Variants in SLC10A7 observed in about 807,000 individuals in gnomAD.
The protein encoded by SLC10A7 is solute carrier family 10 member 7.
A neutral mutation model predicts 43.2 loss-of-function variants in SLC10A7; 29 were observed. That is an observed-to-expected ratio of 0.67 (90% CI 0.50 to 0.92). The LOEUF (loss-of-function observed/expected upper bound fraction) is 0.92. SLC10A7 is among the 40% of genes least tolerant of loss of function. The probability of loss-of-function intolerance (pLI) is 0.00; values close to 1 mark genes in which losing one functional copy is unlikely to be tolerated. For missense variants in SLC10A7, 295 were observed against 403.2 expected, an observed-to-expected ratio of 0.73 and a Z score of 2.30; for synonymous variants, 152 against 144.8, an observed-to-expected ratio of 1.05 and a Z score of -0.35.
intron 4 of SLC10A7, among the ~76,000 whole-genome samples, chr4:146,450,363 T>TTA (rs1044320117): frequency 2.2e-4 from 34 of 152,276 alleles, no homozygotes; most frequent in African/African-American, 7.7e-4. Flanking sequence ...AGATGTGCAT[T>TTA]TATATATATA....
chr4:146,483,450 CAA>C (rs34046091), intron 4 of SLC10A7, among the ~76,000 whole-genome samples: 7 of 150,954 alleles, frequency 4.6e-5, no homozygotes, highest in Non-Finnish European at 3.0e-5. Flanking sequence ...CACACACACA[CAA>C]AAAAAAAACC....
intron 5 of SLC10A7, among the ~76,000 whole-genome samples, chr4:146,334,410 T>C (rs1733740219): frequency 1.3e-5 from 2 of 152,066 alleles, no homozygotes; most frequent in African/African-American, 4.8e-5. Context: ...TTGGAGTACA[T>C]GGAGGGCTGA....
At chr4:146,411,066 C>T (rs756998593) in intron 5 of SLC10A7, among the ~76,000 whole-genome samples, 44 of 152,122 alleles carry the variant, frequency 2.9e-4, no homozygotes, top group Non-Finnish European at 5.1e-4. Flanking sequence ...GAACTCCTGA[C>T]TCAGATGATT....
At chr4:146,307,115 C>T (rs1327573060) in intron 6 of SLC10A7, among the ~76,000 whole-genome samples, 2 of 152,128 alleles carry the variant, frequency 1.3e-5, no homozygotes, top group Non-Finnish European at 2.9e-5. Flanking sequence ...CTGATTTCTG[C>T]ATGAATGGTT....
At chr4:146,300,442 CA>C (rs1375847360) in intron 7 of SLC10A7, among the ~76,000 whole-genome samples, 4 of 152,176 alleles carry the variant, frequency 2.6e-5, no homozygotes, top group Non-Finnish European at 4.4e-5. Flanking sequence ...GTGTACCACA[CA>C]CTCTATACCA....
intron 6 of SLC10A7, among the ~76,000 whole-genome samples, chr4:146,315,775 T>C (rs1448599935): frequency 1.3e-5 from 2 of 152,086 alleles, no homozygotes; most frequent in Non-Finnish European, 2.9e-5. Context: ...TAGGTTTCAA[T>C]AAAAGGATGA....
At chr4:146,471,426 G>A (rs1257025213) in intron 4 of SLC10A7, among the ~76,000 whole-genome samples, 1 of 152,054 alleles carries the variant, frequency 6.6e-6, no homozygotes, top group East Asian at 1.9e-4. Context: ...ACACACCCTC[G>A]CATTTTGTTT....
chr4:146,518,905 G>A (rs1738275023), intron 1 of SLC10A7, among the ~76,000 whole-genome samples: 1 of 150,914 alleles, frequency 6.6e-6, no homozygotes, highest in Non-Finnish European at 1.5e-5. Context: ...AATTTCTGTT[G>A]TACTGAGCCA....
chr4:146,389,067 C>T (rs13145931), intron 5 of SLC10A7, among the ~76,000 whole-genome samples: 85,552 of 151,928 alleles, frequency 0.56, 24,545 homozygotes, highest in East Asian at 0.78. Flanking sequence ...AGTGAAAGAA[C>T]TCAGAAACAG....
chr4:146,357,630 G>T (rs185748432), intron 5 of SLC10A7, among the ~76,000 whole-genome samples: 1 of 152,186 alleles, frequency 6.6e-6, no homozygotes, highest in African/African-American at 2.4e-5. Flanking sequence ...ATTGGTAAGC[G>T]CAACTTATTT....
intron 5 of SLC10A7, among the ~76,000 whole-genome samples, chr4:146,390,289 C>T (rs943857693): frequency 9.9e-5 from 15 of 152,078 alleles, no homozygotes; most frequent in African/African-American, 3.6e-4. Flanking sequence ...AAAGGCTTAA[C>T]ATTAGGCATG....
Position 146,442,813 on chromosome 4 carries a change from T to A in SLC10A7, c.405A>T (p.Ala135=), listed in dbSNP as rs761487360. 1 of 1,590,782 alleles carries A rather than the reference T, an allele frequency of 6.3e-7. No homozygotes were observed. The highest frequency in any genetic ancestry group is 8.5e-7 in the Non-Finnish European group (1 of 1,171,486). The change falls in exon 5 of 12, where the codon GCA becomes GCT. Residue 135 remains alanine, a synonymous_variant. Coordinates refer to ENST00000335472, the MANE Select transcript of SLC10A7 (RefSeq NM_001029998.6). ...AACTTCCAAAGGCTGAATTAAATATTGCAGCTGCCTATGAAGAAAATAAAT... is the reference window on the plus strand; with the variant it reads ...AACTTCCAAAGGCTGAATTAAATATAGCAGCTGCCTATGAAGAAAATAAAT... ...TKAVGGNEAA[A]IFNSAFGSFL...
In SLC10A7 at chr4:146,292,986, G is replaced by GA; in HGVS notation, c.722-7dup. ...ACTCAGCTGGATAGAAAATACTGAA[G>GA]AAAAAAAGATTGAATCTAAATTAGC... On this transcript the variant is annotated splice_region_variant and splice_polypyrimidine_tract_variant and intron_variant, in intron 8 of 11. Transcript: ENST00000335472. 2 of 1,554,940 alleles carry GA rather than the reference G, an allele frequency of 1.3e-6. No individual in the cohort carries two copies. Among genetic ancestry groups the GA allele is most frequent in the Non-Finnish European group, 1.8e-6 (2 of 1,134,732 alleles).
chr4:146,380,823 A>G (rs1737562308), intron 5 of SLC10A7, among the ~76,000 whole-genome samples: 1 of 152,122 alleles, frequency 6.6e-6, no homozygotes, highest in African/African-American at 2.4e-5. Context: ...AGTAATCTCT[A>G]TACTTACAAA....
Position 146,433,709 on chromosome 4 carries a change from A to G in SLC10A7, c.435+9074T>C, listed in dbSNP as rs1299049586. Among the ~76,000 whole-genome samples the G allele has an allele frequency of 2.6e-5, 4 of 151,876 alleles. No homozygotes were observed. The East Asian group carries it at 7.7e-4, about 29-fold the overall frequency. On this transcript the variant is annotated intron_variant, in intron 5 of 11. Coordinates refer to ENST00000335472, the MANE Select transcript of SLC10A7 (RefSeq NM_001029998.6). ...AGCGAGATCCCATCTCTATAAAAAT[A>G]AAAAAATTAGCCAGGCAAGGTGGTG... is the stretch of plus-strand genomic sequence containing the variant.
Position 146,314,038 on chromosome 4 carries a change from A to G in SLC10A7, c.472-8029T>C, listed in dbSNP as rs72729817. 5.8e-3 allele frequency among the ~76,000 whole-genome samples: 885 copies of G among 152,272 alleles called. 8 individuals carry two copies. The highest frequency in any genetic ancestry group is 8.7e-3 in the Non-Finnish European group (593 of 68,008). On this transcript the variant is annotated intron_variant, in intron 6 of 11. Coordinates refer to ENST00000335472, the MANE Select transcript of SLC10A7 (RefSeq NM_001029998.6). ...CTCCCAAGAGGCATGCTTAGGAAGC[A>G]TAACCTGGAAGGGGCATTCAAGGGG...
chr4:146,438,001 G>A (rs1164639560), intron 5 of SLC10A7, among the ~76,000 whole-genome samples: 3 of 151,842 alleles, frequency 2.0e-5, no homozygotes, highest in South Asian at 2.1e-4. Context: ...AAACAGGCAC[G>A]TATCATTGTA....
chr4:146,492,968 T>G (rs1034627219), intron 4 of SLC10A7, among the ~76,000 whole-genome samples: 3 of 152,202 alleles, frequency 2.0e-5, no homozygotes, highest in African/African-American at 7.2e-5. Flanking sequence ...AAGAAGCAGC[T>G]AAGTCTTCTG....
At chr4:146,356,396 A>C (rs1735634613) in intron 5 of SLC10A7, among the ~76,000 whole-genome samples, 1 of 152,150 alleles carries the variant, frequency 6.6e-6, no homozygotes, top group Non-Finnish European at 1.5e-5. Context: ...GACTACTGAG[A>C]GATCCTCGTG....
Sources: gnomAD v4.1 joint callset for allele counts (sites outside exome capture counted in the v4.1 genomes callset) on GRCh38, gnomAD v4.1.1 for gene constraint, MANE v1.5 for transcripts, NCBI Gene and HGNC (gene_info 2026-07-23, HGNC 2026-07-21) for gene names.